Variants in OXCT1 observed in about 807,000 individuals in gnomAD.
The protein encoded by OXCT1 is succinyl-CoA:3-ketoacid coenzyme A transferase 1, mitochondrial.
OXCT1 carries 27 observed loss-of-function variants against 69.6 expected under a neutral mutation model. The observed-to-expected ratio is 0.39, with a 90% CI of 0.29 to 0.54. The LOEUF is 0.54. OXCT1 is among the 20% of genes least tolerant of loss of function. OXCT1 has a pLI of 0.72. For missense variants in OXCT1, 437 were observed against 650.2 expected (o/e 0.67, Z 3.57); for synonymous variants, 202 against 217.8 (o/e 0.93, Z 0.64).
At chr5:41,867,519 C>T (rs1408479025) in intron 1 of OXCT1, among the ~76,000 whole-genome samples, 1 of 152,168 alleles carries the variant, frequency 6.6e-6, no homozygotes. Flanking sequence ...ACATATGACA[C>T]TTGGTGATCA....
At chr5:41,760,627 G>T (rs558572766) in intron 14 of OXCT1, among the ~76,000 whole-genome samples, 12 of 152,160 alleles carry the variant, frequency 7.9e-5, no homozygotes, top group African/African-American at 2.4e-4. Flanking sequence ...CAATATTAAG[G>T]TTCACAACAA....
intron 11 of OXCT1, among the ~76,000 whole-genome samples, chr5:41,796,801 T>A (rs1304460583): frequency 1.3e-5 from 2 of 152,238 alleles, no homozygotes; most frequent in Non-Finnish European, 2.9e-5. Flanking sequence ...AAGTCCTTAC[T>A]CTAACTTGCC....
At chr5:41,753,786 T>C (rs1191566802) in intron 14 of OXCT1, among the ~76,000 whole-genome samples, 1 of 152,102 alleles carries the variant, frequency 6.6e-6, no homozygotes, top group Non-Finnish European at 1.5e-5. Context: ...CAGTGATCAA[T>C]AAAGGCTGCA....
rs1054611379 is a variant in OXCT1, at chr5:41,730,162, A to T, written c.*1567T>A. The T allele has an allele frequency of 1.3e-5, 2 of 152,242 alleles. No individual in the cohort carries two copies. Among genetic ancestry groups the T allele is most frequent in the African/African-American group, 4.8e-5 (2 of 41,470 alleles). The allele number at this position is 152,242 out of a possible 1,614,324, so 9.4% of individuals were successfully genotyped here. On this transcript the variant is annotated 3_prime_UTR_variant, in exon 17 of 17. Coordinates refer to ENST00000196371, the MANE Select transcript of OXCT1 (RefSeq NM_000436.4). Reference sequence around the variant, plus strand: ...TATAAAGTCATCTACTTAGAATCACATTATCTTAAAGATGCATACTGGAAT... The same window carrying T: ...TATAAAGTCATCTACTTAGAATCACTTTATCTTAAAGATGCATACTGGAAT...
chr5:41,804,948 G>A (rs979201239), intron 9 of OXCT1, among the ~76,000 whole-genome samples: 1 of 152,034 alleles, frequency 6.6e-6, no homozygotes, highest in African/African-American at 2.4e-5. Context: ...AATGTCTACT[G>A]TAGTGAAAAC....
chr5:41,813,815 C>T (rs1480484930), intron 7 of OXCT1, among the ~76,000 whole-genome samples: 1 of 152,106 alleles, frequency 6.6e-6, no homozygotes, highest in African/African-American at 2.4e-5. Context: ...GTTTTTCTTT[C>T]TTGCAATCAA....
rs533933703 is a variant in OXCT1 at position 41,769,277 on chromosome 5, C to G, written c.1249-7077G>C. Among the ~76,000 whole-genome samples, 3 of 152,164 alleles carry G rather than the reference C, an allele frequency of 2.0e-5. No homozygotes were observed. In the East Asian group the frequency reaches 5.8e-4, roughly 29 times the overall value. ...CCTCCCTTCTCTCTAACCACCCTTC[C>G]CCCCAAAATTTAATAATTAAAAACA... is the stretch of plus-strand genomic sequence containing the variant. On this transcript the variant is annotated intron_variant, in intron 13 of 16. Transcript: ENST00000196371.
intron 3 of OXCT1, among the ~76,000 whole-genome samples, chr5:41,859,361 T>C (rs954241553): frequency 6.6e-6 from 1 of 152,152 alleles, no homozygotes; most frequent in Non-Finnish European, 1.5e-5. Context: ...GAGAAAAATA[T>C]CTGCTAGTTT....
intron 6 of OXCT1, among the ~76,000 whole-genome samples, chr5:41,842,074 T>G (rs906755136): frequency 1.3e-5 from 2 of 152,198 alleles, no homozygotes; most frequent in African/African-American, 4.8e-5. Flanking sequence ...AAAAAACAAC[T>G]ATATAAATCT....
chr5:41,818,457 G>T (rs1747360339), intron 7 of OXCT1, among the ~76,000 whole-genome samples: 1 of 152,112 alleles, frequency 6.6e-6, no homozygotes, highest in Non-Finnish European at 1.5e-5. Flanking sequence ...CCTAATTTTG[G>T]AAAAGCTATC....
intron 1 of OXCT1, among the ~76,000 whole-genome samples, chr5:41,864,674 T>C (rs1479200424): frequency 1.3e-5 from 2 of 152,302 alleles, no homozygotes; most frequent in East Asian, 3.9e-4. Flanking sequence ...TCTTGTACTT[T>C]ACCCAAAACT....
chr5:41,793,951 A>C, intron 13 of OXCT1, 52 bp downstream of exon 13: 1 of 1,075,966 alleles, frequency 9.3e-7, no homozygotes, highest in South Asian at 1.3e-5. Context: ...TAGTATTTAA[A>C]ATATAATTAT....
intron 15 of OXCT1, among the ~76,000 whole-genome samples, chr5:41,742,478 TTTTAC>T (rs1376113608): frequency 5.3e-5 from 8 of 152,320 alleles, no homozygotes; most frequent in East Asian, 1.9e-4. Flanking sequence ...CTTTCTTTTA[TTTTAC>T]TTTATTTTTT....
intron 16 of OXCT1, among the ~76,000 whole-genome samples, chr5:41,733,787 TA>T (rs560040930): frequency 2.2e-4 from 34 of 152,252 alleles, no homozygotes; most frequent in Non-Finnish European, 4.3e-4. Flanking sequence ...AAACATCTAC[TA>T]AACCACCATT....
chr5:41,810,260 A>T (rs2112290006), intron 7 of OXCT1, among the ~76,000 whole-genome samples: 1 of 152,206 alleles, frequency 6.6e-6, no homozygotes, highest in South Asian at 2.1e-4. Context: ...TGATGAGAAA[A>T]TGATGACTAA....
chr5:41,792,615 C>T (rs774852990), intron 13 of OXCT1, among the ~76,000 whole-genome samples: 1 of 152,146 alleles, frequency 6.6e-6, no homozygotes, highest in Non-Finnish European at 1.5e-5. Flanking sequence ...ACTCACTGTA[C>T]GATGCTCAGG....
intron 7 of OXCT1, among the ~76,000 whole-genome samples, chr5:41,817,164 A>G (rs1277213806): frequency 6.6e-6 from 1 of 152,198 alleles, no homozygotes; most frequent in Non-Finnish European, 1.5e-5. Context: ...ATTGATGTCA[A>G]TATTTAGTAA....
chr5:41,838,427 T>C (rs1297202092), intron 7 of OXCT1, among the ~76,000 whole-genome samples: 1 of 152,154 alleles, frequency 6.6e-6, no homozygotes, highest in African/African-American at 2.4e-5. Context: ...ACAATAATCC[T>C]ATAGTCCAAA....
At chr5:41,816,618 G>A (rs1579799772) in intron 7 of OXCT1, among the ~76,000 whole-genome samples, 1 of 152,130 alleles carries the variant, frequency 6.6e-6, no homozygotes, top group African/African-American at 2.4e-5. Flanking sequence ...CTTGAGAGGA[G>A]TGTGGCTATG....
Sources: allele counts gnomAD v4.1 joint callset (sites outside exome capture counted in the v4.1 genomes callset), GRCh38; gene constraint gnomAD v4.1.1; transcripts MANE v1.5; gene names NCBI Gene and HGNC (gene_info 2026-07-23, HGNC 2026-07-21).